ZNF200: variants seen among roughly 807,000 people sequenced by gnomAD.
ZNF200 encodes the protein zinc finger protein 200.
ZNF200 carries 35 observed loss-of-function variants against 33.6 expected under a neutral mutation model. That is an observed-to-expected ratio of 1.04 (90% confidence interval 0.80 to 1.38). The LOEUF (loss-of-function observed/expected upper bound fraction) is 1.38. Ranked by LOEUF, ZNF200 falls within the 40% of genes most tolerant of loss-of-function variation. The pLI, the probability that ZNF200 is intolerant of heterozygous loss-of-function variation, is 0.00. For missense variants in ZNF200, 592 were observed against 470.6 expected (o/e 1.26, Z -2.39); for synonymous variants, 209 against 167.7 (o/e 1.25, Z -1.90).
chr16:3,230,133 T>C (rs949876765), intron 4 of ZNF200, among the ~76,000 whole-genome samples: 1 of 152,250 alleles, frequency 6.6e-6, no homozygotes, highest in Non-Finnish European at 1.5e-5. Flanking sequence ...TCTCTTGCCA[T>C]GTGAAGTCTG....
intron 1 of ZNF200, 200 bp from the exon 2 acceptor site, chr16:3,234,036 G>C (rs1343828977): frequency 9.7e-6 from 3 of 308,558 alleles, no homozygotes; most frequent in African/African-American, 6.7e-5. Context: ...GAAAAACAGA[G>C]ACTGTGCAAA....
At position 3,222,815 on chromosome 16, in the gene ZNF200, A is replaced by G. The variant is rs533703332; in HGVS notation, c.*1077T>C. 6.6e-6 allele frequency: 1 copy of G among 152,396 alleles called. No individual in the cohort carries two copies. Among genetic ancestry groups the G allele is most frequent in the East Asian group, 1.9e-4 (1 of 5,190 alleles). The allele number at this position is 152,396 out of a possible 1,614,324, so 9.4% of individuals were successfully genotyped here. A position where few individuals can be genotyped will look rare whatever the true frequency, so the allele number is the denominator to read the frequency against. ...CTGAAGACAATTAATACCCACTACA[A>G]TGAAGACACCTGGAAACCTGTCTCT... On this transcript the variant is annotated 3_prime_UTR_variant, in exon 5 of 5. Transcript: ENST00000414144.
intron 4 of ZNF200, among the ~76,000 whole-genome samples, chr16:3,229,735 G>A (rs1299884865): frequency 6.6e-6 from 1 of 152,058 alleles, no homozygotes; most frequent in African/African-American, 2.4e-5. Flanking sequence ...CAAGGTGGCA[G>A]GCACCTGTAG....
At position 3,232,864 on chromosome 16, in the gene ZNF200, G is replaced by C. The variant is rs1442887961; in HGVS notation, c.308C>G (p.Thr103Arg). The change falls in exon 3 of 5, where the codon ACA (threonine) becomes AGA (arginine). Residue 103 changes from threonine (T) to arginine (R), a missense_variant. Physicochemically the swap from Thr to Arg is moderately conservative, Grantham distance 71 (BLOSUM62 -1). Coordinates refer to ENST00000414144, the MANE Select transcript of ZNF200 (RefSeq NM_198088.3). The stretch of plus-strand genomic sequence containing the variant: ...GTTAGCTTTCAAATACAGAGACACT[G>C]TCTCTTGTTCCTTTTGGACTCCTTT... Reference protein sequence around the residue: ...LPKGVQKEQETVSLYLKANPE... With the variant: ...LPKGVQKEQERVSLYLKANPE... 1.9e-6 allele frequency: 3 copies of C among 1,613,866 alleles called. No individual in the cohort carries two copies. Among genetic ancestry groups the C allele is most frequent in the Non-Finnish European group, 2.5e-6 (3 of 1,179,844 alleles).
rs1405168793 is a variant in ZNF200 at position 3,223,281 on chromosome 16, ATAT to A, written c.*608_*610del. 8.5e-5 allele frequency: 13 copies of A among 152,428 alleles called. No homozygotes were observed. In the East Asian group the frequency reaches 1.3e-3, roughly 16 times the overall value. The allele number at this position is 152,428 out of a possible 1,614,324, so 9.4% of individuals were successfully genotyped here. ...AAGTCAGTTTTATCACAAATTGTAA[ATAT>A]TATTGAAATTGATTGCAAATTTAGA... On this transcript the variant is annotated 3_prime_UTR_variant, in exon 5 of 5. Coordinates refer to ENST00000414144, the MANE Select transcript of ZNF200 (RefSeq NM_198088.3).
chr16:3,229,443 T>C (rs770015741), intron 4 of ZNF200, among the ~76,000 whole-genome samples: 10 of 151,842 alleles, frequency 6.6e-5, no homozygotes, highest in Non-Finnish European at 1.3e-4. Flanking sequence ...AAAAAACTAG[T>C]AAGATTTAAG....
chr16:3,225,538 G>A (rs1433363781), intron 4 of ZNF200: 1 of 152,160 alleles, frequency 6.6e-6, no homozygotes, highest in Non-Finnish European at 1.5e-5. Context: ...TCTTTGTGTA[G>A]GAAAGGAAGT....
chr16:3,231,371 T>C (rs1045201412), intron 4 of ZNF200, among the ~76,000 whole-genome samples: 1 of 152,202 alleles, frequency 6.6e-6, no homozygotes, highest in East Asian at 1.9e-4. Context: ...GACCATACGG[T>C]ATAATTACAG....
intron 4 of ZNF200, among the ~76,000 whole-genome samples, chr16:3,231,583 T>TTA (rs903845702): frequency 1.8e-4 from 27 of 152,322 alleles, no homozygotes; most frequent in African/African-American, 6.3e-4. Context: ...TCTAAGCAAA[T>TTA]TATAGAGAGG....
chr16:3,230,679 T>C (rs533318147), intron 4 of ZNF200, among the ~76,000 whole-genome samples: 1 of 152,226 alleles, frequency 6.6e-6, no homozygotes, highest in Non-Finnish European at 1.5e-5. Context: ...GTTTTTCCTT[T>C]GCAAAAATTG....
At chr16:3,231,389 T>G (rs1393745274) in intron 4 of ZNF200, among the ~76,000 whole-genome samples, 1 of 152,118 alleles carries the variant, frequency 6.6e-6, no homozygotes. Flanking sequence ...CAGCTAAGAG[T>G]TTGACAGTCA....
In ZNF200 at chr16:3,232,938, G is replaced by A; in HGVS notation, c.251-17C>T. 1 of 1,610,960 alleles carries A rather than the reference G, an allele frequency of 6.2e-7. No individual in the cohort carries two copies. Among genetic ancestry groups the A allele is most frequent in the Non-Finnish European group, 8.5e-7 (1 of 1,177,668 alleles). The stretch of plus-strand genomic sequence containing the variant: ...GAGGATGCACTGGGGAAAGAGGAAG[G>A]TTTAGTTAGTGAAAAACTCAGTGAC... On this transcript the variant is annotated splice_polypyrimidine_tract_variant and intron_variant, in intron 2 of 4. Transcript: ENST00000414144.
intron 2 of ZNF200, 25 bp from the exon 3 acceptor site, chr16:3,232,946 A>C (rs776432589): frequency 8.7e-6 from 14 of 1,605,934 alleles, no homozygotes; most frequent in Non-Finnish European, 1.7e-6. Context: ...AGGTTTAGTT[A>C]GTGAAAAACT....
chr16:3,226,872 C>G (rs755030990), intron 4 of ZNF200: 2 of 152,216 alleles, frequency 1.3e-5, no homozygotes, highest in African/African-American at 2.4e-5. Context: ...AGCAATATAC[C>G]TGTTTCTCAA....
rs61731430 is a variant in ZNF200 at position 3,233,691 on chromosome 16, G to A, written c.65C>T (p.Pro22Leu). ...GTCTTGGCCCAGCTTGGAGTCTGGC[G>A]GAACTCTCAGTATAAAGGACTGCTT... ...KPKQSFILRV[P>L]PDSKLGQDLL... is the part of the protein sequence containing the mutation. Residue 22 changes from proline (P) to leucine (L), a missense_variant, in exon 2 of 5, where the codon CCG (proline) becomes CTG (leucine). Coordinates refer to ENST00000414144, the MANE Select transcript of ZNF200 (RefSeq NM_198088.3). 4.1e-4 allele frequency: 661 copies of A among 1,613,590 alleles called. No individual in the cohort carries two copies. Among genetic ancestry groups the A allele is most frequent in the Non-Finnish European group, 5.0e-4 (590 of 1,179,954 alleles).
At chr16:3,224,765 G>T in intron 4 of ZNF200, 152 bp from the exon 5 acceptor site, 1 of 913,784 alleles carries the variant, frequency 1.1e-6, no homozygotes, top group Non-Finnish European at 1.6e-6. Context: ...TACTTATTGA[G>T]GGTGGGATAC....
In ZNF200 at chr16:3,223,037, T is replaced by C. The variant is rs1166413045; in HGVS notation, c.*855A>G. The stretch of plus-strand genomic sequence containing the variant: ...TCCAGGTTGACCCTTCCTCTCTGGG[T>C]CTTGGGGTTTCCTTCGTAGCACATG... On this transcript the variant is annotated 3_prime_UTR_variant, in exon 5 of 5. Coordinates refer to ENST00000414144, the MANE Select transcript of ZNF200 (RefSeq NM_198088.3). 6.6e-6 allele frequency: 1 copy of C among 152,204 alleles called. No homozygotes were observed. The highest frequency in any genetic ancestry group is 6.5e-5 in the Admixed American group (1 of 15,270). The allele number at this position is 152,204 out of a possible 1,614,324, so 9.4% of individuals were successfully genotyped here. A position where few individuals can be genotyped will look rare whatever the true frequency, so the allele number is the denominator to read the frequency against.
intron 4 of ZNF200, among the ~76,000 whole-genome samples, chr16:3,230,022 G>A (rs1958593550): frequency 6.6e-6 from 1 of 152,204 alleles, no homozygotes. Context: ...GCTCATGAAT[G>A]GCTTGATGCC....
At chr16:3,224,853 A>G (rs1487108368) in intron 4 of ZNF200, 1 of 528,972 alleles carries the variant, frequency 1.9e-6, no homozygotes, top group East Asian at 3.2e-5. Flanking sequence ...TCACTGAAAG[A>G]CTTCAAATGT....
Sources: gnomAD v4.1 joint callset for allele counts (sites outside exome capture counted in the v4.1 genomes callset) on GRCh38, gnomAD v4.1.1 for gene constraint, MANE v1.5 for transcripts, NCBI Gene and HGNC (gene_info 2026-07-23, HGNC 2026-07-21) for gene names.